The following SH2B3 variants were observed in gnomAD, a reference collection of about 807,000 sequenced individuals.
The protein encoded by SH2B3 is SH2B adaptor protein 3, also known as SH2B adapter protein 3.
In SH2B3, 43 loss-of-function variants were observed where a neutral mutation model predicts 51.9. The ratio of observed to expected loss-of-function variants is 0.83; its 90% CI spans 0.65 to 1.07. The LOEUF (loss-of-function observed/expected upper bound fraction) is 1.07. Among genes scored for constraint, SH2B3 ranks in the 50% least tolerant of loss-of-function variants. SH2B3 has a pLI of 0.00. For synonymous variants in SH2B3, 396 were observed against 376.0 expected (o/e 1.05, Z -0.62); for missense variants, 952 against 834.3 (o/e 1.14, Z -1.74).
At chr12:111,419,674 C>T (rs1399843170) in intron 2 of SH2B3, among the ~76,000 whole-genome samples, 1 of 151,918 alleles carries the variant, frequency 6.6e-6, no homozygotes, top group Non-Finnish European at 1.5e-5. Flanking sequence ...AGGAAAGTTG[C>T]AAAGATAGTA....
chr12:111,416,968 C>T (rs891761661), intron 1 of SH2B3, among the ~76,000 whole-genome samples: 2 of 152,202 alleles, frequency 1.3e-5, no homozygotes, highest in African/African-American at 4.8e-5. Context: ...ACCTTTCTTG[C>T]CCACCATTTA....
chr12:111,407,648 C>T lies in SH2B3; in HGVS notation c.-28+1371C>T, dbSNP rs778094678. 1.3e-5 allele frequency among the ~76,000 whole-genome samples: 2 copies of T among 152,202 alleles called. No individual in the cohort carries two copies. The highest frequency in any genetic ancestry group is 2.9e-5 in the Non-Finnish European group (2 of 68,030). Reference sequence around the variant, plus strand: ...TTGGAAGGGTTTTTAGTGCACTTTTCCTGAGCCTTTTCCCACTACCCCCTC... The same window carrying T: ...TTGGAAGGGTTTTTAGTGCACTTTTTCTGAGCCTTTTCCCACTACCCCCTC... On this transcript the variant is annotated intron_variant, in intron 1 of 7. Coordinates refer to ENST00000341259, the MANE Select transcript of SH2B3 (RefSeq NM_005475.3). This position sits in a 1 kb window ranked among gnomAD's most constrained non-coding sequence, Gnocchi z 4.3.
In SH2B3 at chr12:111,418,785, G is replaced by T. The variant is rs1208044243; in HGVS notation, c.640G>T (p.Gly214Trp). ...SLADEASMDS[G>W]ARWQRGRLAL... ...GGCCGACGAGGCCTCCATGGACAGC[G>T]GGGCACGCTGGCAGCGCGGGAGGCT... Residue 214 changes from glycine (G) to tryptophan (W), a missense_variant, in exon 2 of 8, where the codon GGG becomes TGG. Physicochemically the swap from Gly to Trp is radical, Grantham distance 184. Coordinates refer to ENST00000341259, the MANE Select transcript of SH2B3 (RefSeq NM_005475.3). The surrounding 1 kb of genome is among the most constrained non-coding windows in gnomAD (Gnocchi z 6.7). 4.8e-6 allele frequency: 7 copies of T among 1,462,194 alleles called. No individual in the cohort carries two copies. Among genetic ancestry groups the T allele is most frequent in the Non-Finnish European group, 6.3e-6 (7 of 1,116,836 alleles). The allele number at this position is 1,462,194 out of a possible 1,614,324, so 90.6% of individuals were successfully genotyped here.
rs1360585094 is a variant in SH2B3 at position 111,410,057 on chromosome 12, C to A, written c.-28+3780C>A. Reference sequence around the variant, plus strand: ...GGCCCACCCGGATGTGGCTACCCCCCGGCTGGCCAGTGGGGAGCCGGCTGC... The same window carrying A: ...GGCCCACCCGGATGTGGCTACCCCCAGGCTGGCCAGTGGGGAGCCGGCTGC... On this transcript the variant is annotated intron_variant, in intron 1 of 7. Coordinates refer to ENST00000341259, the MANE Select transcript of SH2B3 (RefSeq NM_005475.3). This position sits in a 1 kb window ranked among gnomAD's most constrained non-coding sequence, Gnocchi z 4.9. Among the ~76,000 whole-genome samples, 2 of 152,196 alleles carry A rather than the reference C, an allele frequency of 1.3e-5. No individual in the cohort carries two copies. Among genetic ancestry groups the A allele is most frequent in the Non-Finnish European group, 2.9e-5 (2 of 68,018 alleles).
intron 2 of SH2B3, among the ~76,000 whole-genome samples, chr12:111,441,973 C>T (rs1032743952): frequency 6.6e-6 from 1 of 152,072 alleles, no homozygotes; most frequent in African/African-American, 2.4e-5. Flanking sequence ...ACTCTGTCGA[C>T]CAGTCTAGAG....
rs1872266139 is a variant in SH2B3 at position 111,429,161 on chromosome 12, C to T, written c.732+10284C>T. 6.6e-6 allele frequency among the ~76,000 whole-genome samples: 1 copy of T among 152,050 alleles called. No individual in the cohort carries two copies. Among genetic ancestry groups the T allele is most frequent in the African/African-American group, 2.4e-5 (1 of 41,402 alleles). ...TGTGACCCGGGGGAAGGCACTTTGC[C>T]CTCCCTGTGCCTCAGTTTACTCAAG... On this transcript the variant is annotated intron_variant, in intron 2 of 7. Transcript: ENST00000341259. The surrounding 1 kb of genome is among the most constrained non-coding windows in gnomAD (Gnocchi z 4.4).
intron 1 of SH2B3, among the ~76,000 whole-genome samples, chr12:111,417,460 TTTTA>T (rs61142950): frequency 2.8e-4 from 41 of 147,128 alleles, no homozygotes; most frequent in Non-Finnish European, 3.7e-4. Flanking sequence ...AGGGCCTTTA[TTTTA>T]TTTATTTATT....
chr12:111,421,360 A>G (rs1259394812), intron 2 of SH2B3, among the ~76,000 whole-genome samples: 2 of 136,720 alleles, frequency 1.5e-5, no homozygotes, highest in African/African-American at 5.6e-5. Context: ...ATAATGTTTT[A>G]GAGATTGATC....
In SH2B3 at chr12:111,438,775, A is replaced by G. The variant is rs1402077833; in HGVS notation, c.733-7978A>G. ...CAGGGAGGGCCTCCCTGAGGAGATGACACTTTGAAAAGCAGTCGTATTTGT... is the reference window on the plus strand; with the variant it reads ...CAGGGAGGGCCTCCCTGAGGAGATGGCACTTTGAAAAGCAGTCGTATTTGT... On this transcript the variant is annotated intron_variant, in intron 2 of 7. Coordinates refer to ENST00000341259, the MANE Select transcript of SH2B3 (RefSeq NM_005475.3). The surrounding 1 kb of genome is among the most constrained non-coding windows in gnomAD (Gnocchi z 4.2). Among the ~76,000 whole-genome samples, 1 of 152,096 alleles carries G rather than the reference A, an allele frequency of 6.6e-6. No homozygotes were observed. The highest frequency in any genetic ancestry group is 2.4e-5 in the African/African-American group (1 of 41,418).
At chr12:111,443,190 G>T (rs902200489) in intron 2 of SH2B3, among the ~76,000 whole-genome samples, 1 of 152,240 alleles carries the variant, frequency 6.6e-6, no homozygotes, top group Non-Finnish European at 1.5e-5. Context: ...CAGCCAGGTG[G>T]GATAAAGAGG....
intron 1 of SH2B3, among the ~76,000 whole-genome samples, chr12:111,416,212 G>T (rs1397224828): frequency 6.6e-6 from 1 of 152,158 alleles, no homozygotes; most frequent in Non-Finnish European, 1.5e-5. Context: ...AAAGTGCTGG[G>T]ATTACAGGCG....
chr12:111,420,499 C>T (rs1185165115), intron 2 of SH2B3, among the ~76,000 whole-genome samples: 1 of 151,946 alleles, frequency 6.6e-6, no homozygotes, highest in Non-Finnish European at 1.5e-5. Context: ...GTATGCATGA[C>T]AGGACCATAT....
chr12:111,430,138 C>T (rs1872347112), intron 2 of SH2B3, among the ~76,000 whole-genome samples: 1 of 152,226 alleles, frequency 6.6e-6, no homozygotes, highest in Admixed American at 6.5e-5. Flanking sequence ...TCCCAGTCCT[C>T]TCTGAGCTAT....
intron 1 of SH2B3, among the ~76,000 whole-genome samples, chr12:111,414,833 T>C (rs1036361147): frequency 1.2e-4 from 18 of 152,154 alleles, no homozygotes; most frequent in African/African-American, 4.3e-4. Flanking sequence ...TAGGTTCGCA[T>C]CTCCACCTTG....
In SH2B3 at chr12:111,451,470, T is replaced by A. The variant is rs1038818009; in HGVS notation, c.*3168T>A. On this transcript the variant is annotated 3_prime_UTR_variant, in exon 8 of 8. Coordinates refer to ENST00000341259, the MANE Select transcript of SH2B3 (RefSeq NM_005475.3). ...TACAGCACATTGTGATAACATAAAG[T>A]GGATTCATCTTGTATCATTATAGGC... 9 of 152,688 alleles carry A rather than the reference T, an allele frequency of 5.9e-5. No individual in the cohort carries two copies. The highest frequency in any genetic ancestry group is 2.2e-4 in the African/African-American group (9 of 41,464). 9.5% of individuals were successfully genotyped at this position (152,688 alleles called of 1,614,324 possible). A position where few individuals can be genotyped will look rare whatever the true frequency, so the allele number is the denominator to read the frequency against.
intron 2 of SH2B3, among the ~76,000 whole-genome samples, chr12:111,426,831 C>G (rs1428935803): frequency 6.6e-6 from 1 of 152,112 alleles, no homozygotes; most frequent in Non-Finnish European, 1.5e-5. Flanking sequence ...AGCAAAGAGA[C>G]TTGCCTGGGA....
intron 1 of SH2B3, among the ~76,000 whole-genome samples, chr12:111,415,656 C>G (rs1378266484): frequency 7.1e-6 from 1 of 141,344 alleles, no homozygotes; most frequent in African/African-American, 2.7e-5. Flanking sequence ...GAGTCTCGCT[C>G]TGTCACCCAG....
intron 3 of SH2B3, 38 bp downstream of exon 3, chr12:111,446,892 AATAC>A (rs1333898818): frequency 6.2e-7 from 1 of 1,604,468 alleles, no homozygotes; most frequent in Non-Finnish European, 8.5e-7. Flanking sequence ...GGGCAATACA[AATAC>A]ATACACATAC....
chr12:111,428,624 C>G (rs1045258840), intron 2 of SH2B3, among the ~76,000 whole-genome samples: 2 of 152,176 alleles, frequency 1.3e-5, no homozygotes, highest in Non-Finnish European at 2.9e-5. Context: ...ATTTTGGGAG[C>G]ACAAAGTCCC....
Sources: gnomAD v4.1 joint callset for allele counts (sites outside exome capture counted in the v4.1 genomes callset) on GRCh38, gnomAD v4.1.1 for gene constraint, Gnocchi (gnomAD v3.1) non-coding constraint, MANE v1.5 for transcripts, NCBI Gene and HGNC (gene_info 2026-07-23, HGNC 2026-07-21) for gene names.